Variants in AMOTL1 observed in about 807,000 individuals in gnomAD.
The protein encoded by AMOTL1 is angiomotin-like protein 1.
Under a neutral mutation model 102.9 loss-of-function variants are expected in AMOTL1, and 45 were observed. The ratio of observed to expected loss-of-function variants is 0.44; its 90% CI spans 0.34 to 0.56. The LOEUF (loss-of-function observed/expected upper bound fraction) is 0.56. AMOTL1 is among the 20% of genes least tolerant of loss of function. The pLI, the probability that AMOTL1 is intolerant of heterozygous loss-of-function variation, is 0.01. For missense variants in AMOTL1, 1,114 were observed against 1,225.6 expected (o/e 0.91, Z 1.36); for synonymous variants, 481 against 484.7 (o/e 0.99, Z 0.10).
At chr11:94,724,639 T>A (rs1478333806) in intron 1 of AMOTL1, among the ~76,000 whole-genome samples, 2 of 152,276 alleles carry the variant, frequency 1.3e-5, no homozygotes, top group South Asian at 2.1e-4. Context: ...CATATACATG[T>A]CTCCTCCTCA....
In AMOTL1 at chr11:94,821,768, G is replaced by C; in HGVS notation, c.1360G>C (p.Val454Leu). The change falls in exon 4 of 13, where the codon GTG becomes CTG. Residue 454 changes from valine to leucine, a missense_variant. Val to Leu is a conservative substitution (Grantham distance 32). Transcript: ENST00000433060. ...GGAGATATTAACAGAGGAGAACCGG[G>C]TGCTTCACCAGGAACTTCAGGGTTA... ...MVEILTEENR[V>L]LHQELQGYYD... is the part of the protein sequence containing the mutation. 1 of 1,614,034 alleles carries C rather than the reference G, an allele frequency of 6.2e-7. No homozygotes were observed. Among genetic ancestry groups the C allele is most frequent in the East Asian group, 2.2e-5 (1 of 44,882 alleles).
In AMOTL1 at chr11:94,830,149, G is replaced by C; in HGVS notation, c.1513G>C (p.Glu505Gln). Residue 505 changes from glutamate to glutamine, a missense_variant, in exon 5 of 13, where the codon GAA (glutamate) becomes CAA (glutamine). Transcript: ENST00000433060. The part of the protein sequence containing the change: ...SLDKAMRNKL[E>Q]GEIRRLHDFN... ...GGACAAGGCCATGAGAAACAAATTGGAAGGCGAGATTAGAAGACTTCATGA... is the reference window on the plus strand; with the variant it reads ...GGACAAGGCCATGAGAAACAAATTGCAAGGCGAGATTAGAAGACTTCATGA... The C allele has an allele frequency of 6.2e-7, 1 of 1,611,044 alleles. No homozygotes were observed. Among genetic ancestry groups the C allele is most frequent in the Non-Finnish European group, 8.5e-7 (1 of 1,178,638 alleles).
chr11:94,792,798 A>G (rs1015634558), intron 1 of AMOTL1, among the ~76,000 whole-genome samples: 3 of 152,182 alleles, frequency 2.0e-5, no homozygotes, highest in Admixed American at 6.5e-5. Context: ...CTTTCATGAC[A>G]CTGAGGAAAC....
chr11:94,783,955 C>T (rs1386833948), intron 1 of AMOTL1, among the ~76,000 whole-genome samples: 1 of 151,784 alleles, frequency 6.6e-6, no homozygotes, highest in African/African-American at 2.4e-5. Context: ...TGCTTTGGAG[C>T]AGTCAAAATT....
chr11:94,819,241 A>G (rs894223699), intron 3 of AMOTL1, among the ~76,000 whole-genome samples: 14 of 152,332 alleles, frequency 9.2e-5, no homozygotes, highest in African/African-American at 3.1e-4. Context: ...CCAAAGGGAA[A>G]AGTCAAGCTG....
At chr11:94,858,305 C>A (rs1952706907) in intron 8 of AMOTL1, among the ~76,000 whole-genome samples, 1 of 152,146 alleles carries the variant, frequency 6.6e-6, no homozygotes, top group Admixed American at 6.5e-5. Flanking sequence ...TCTGTTCCTA[C>A]TTATAATGTT....
chr11:94,820,491 T>C, intron 3 of AMOTL1: 1 of 152,430 alleles, frequency 6.6e-6, no homozygotes, highest in East Asian at 1.9e-4. Flanking sequence ...AATTCCTACC[T>C]CAGGCCCTGT....
chr11:94,820,756 G>T (rs563046248), intron 3 of AMOTL1, among the ~76,000 whole-genome samples: 1 of 152,188 alleles, frequency 6.6e-6, no homozygotes, highest in East Asian at 1.9e-4. Context: ...GGGTTGATGG[G>T]AAACAGTGAC....
intron 7 of AMOTL1, 55 bp downstream of exon 7, chr11:94,850,314 G>T: frequency 6.6e-7 from 1 of 1,511,772 alleles, no homozygotes; most frequent in East Asian, 2.4e-5. Flanking sequence ...AGCCCAGAGG[G>T]CTTCCACTTT....
intron 1 of AMOTL1, among the ~76,000 whole-genome samples, chr11:94,708,009 C>A (rs1261582784): frequency 6.6e-6 from 1 of 152,158 alleles, no homozygotes. Context: ...TGATCAGCAC[C>A]TGCACAATCC....
chr11:94,820,215 C>T (rs969897392), intron 3 of AMOTL1: 1 of 151,834 alleles, frequency 6.6e-6, no homozygotes, highest in Non-Finnish European at 1.5e-5. Context: ...CAAAATGAAT[C>T]CCAATTTCTG....
chr11:94,801,988 A>G (rs893301498), intron 3 of AMOTL1, among the ~76,000 whole-genome samples: 1 of 152,186 alleles, frequency 6.6e-6, no homozygotes, highest in Non-Finnish European at 1.5e-5. Context: ...TTGGCTGTAC[A>G]TCTTCTGAAA....
chr11:94,814,015 G>A (rs984044432), intron 3 of AMOTL1, among the ~76,000 whole-genome samples: 4 of 152,202 alleles, frequency 2.6e-5, no homozygotes, highest in African/African-American at 7.2e-5. Flanking sequence ...GAGGGGCACA[G>A]ATGAGTCTAC....
chr11:94,819,671 T>C (rs1306345665), intron 3 of AMOTL1, among the ~76,000 whole-genome samples: 2 of 152,186 alleles, frequency 1.3e-5, no homozygotes, highest in African/African-American at 2.4e-5. Context: ...GTGTCTCTCA[T>C]GTCTCCCTAA....
At chr11:94,849,046 G>T (rs333011) in intron 6 of AMOTL1, among the ~76,000 whole-genome samples, 48,145 of 152,008 alleles carry the variant, frequency 0.32, 8,828 homozygotes, top group African/African-American at 0.47. Context: ...TGTGGGCACA[G>T]AGAAATCCAT....
rs772911456 is a variant in AMOTL1, at chr11:94,859,591, C to G, written c.2011C>G (p.Arg671Gly). Reference sequence around the variant, plus strand: ...TGCCCCAGCCCTCCTGGAACTTGTGCGGGAGAAGGAGGAGCGGATCCTGGC... The same window carrying G: ...TGCCCCAGCCCTCCTGGAACTTGTGGGGGAGAAGGAGGAGCGGATCCTGGC... ...YNAPALLELV[R>G]EKEERILALE... The change falls in exon 9 of 13, where the codon CGG (arginine) becomes GGG (glycine). Residue 671 changes from arginine to glycine, a missense_variant. By Grantham distance (125) the Arg-to-Gly change is moderately radical (BLOSUM62 -2). Transcript: ENST00000433060. The G allele has an allele frequency of 1.2e-6, 2 of 1,613,700 alleles. No individual in the cohort carries two copies. The highest frequency in any genetic ancestry group is 1.7e-6 in the Non-Finnish European group (2 of 1,179,774).
intron 2 of AMOTL1, among the ~76,000 whole-genome samples, chr11:94,739,320 T>A (rs1950484585): frequency 6.6e-6 from 1 of 152,132 alleles, no homozygotes; most frequent in African/African-American, 2.4e-5. Context: ...CATATTTAAT[T>A]CCTGGATTTG....
chr11:94,750,516 G>C (rs528545378), intron 3 of AMOTL1, among the ~76,000 whole-genome samples: 2 of 152,124 alleles, frequency 1.3e-5, no homozygotes, highest in Non-Finnish European at 2.9e-5. Flanking sequence ...TGCGACACAA[G>C]CCTACACCTG....
chr11:94,786,855 C>T (rs1044126482), intron 1 of AMOTL1, among the ~76,000 whole-genome samples: 6 of 152,288 alleles, frequency 3.9e-5, no homozygotes, highest in African/African-American at 1.4e-4. Flanking sequence ...CTGAATATAT[C>T]TATTAAGCTA....
Sources: allele counts gnomAD v4.1 joint callset (sites outside exome capture counted in the v4.1 genomes callset), GRCh38; gene constraint gnomAD v4.1.1; transcripts MANE v1.5; gene names NCBI Gene and HGNC (gene_info 2026-07-23, HGNC 2026-07-21).